Variants in FBXW7 observed in about 807,000 individuals in gnomAD.
FBXW7 encodes the protein F-box and WD repeat domain containing 7.
FBXW7 carries 11 observed loss-of-function variants against 86.3 expected under a neutral mutation model. The ratio of observed to expected loss-of-function variants is 0.13; its 90% CI spans 0.08 to 0.21. The LOEUF (loss-of-function observed/expected upper bound fraction) is 0.21, where lower values mean the gene tolerates loss of function less well. Ranked by LOEUF, FBXW7 falls within the 10% of genes least tolerant of loss-of-function variation. FBXW7 has a pLI of 1.00. For missense variants in FBXW7, 488 were observed against 847.4 expected (o/e 0.58, Z 5.27); for synonymous variants, 313 against 297.9 (o/e 1.05, Z -0.52).
rs1360600517 is a variant in FBXW7, at chr4:152,536,010, G to GGCGGCA, written c.-1102_-1097dup. 6.4e-3 allele frequency: 1,438 copies of GGCGGCA among 225,560 alleles called. 16 individuals carry two copies. The highest frequency in any genetic ancestry group is 0.015 in the Middle Eastern group (10 of 688). The allele number at this position is 225,560 out of a possible 1,614,324, so 14.0% of individuals were successfully genotyped here. ...CGCTCTCAGTCTCAGCGGCGGCGGCGGCGGCAGCGGCAGCGGCAGCGCCCG... is the reference window on the plus strand; with the variant it reads ...CGCTCTCAGTCTCAGCGGCGGCGGCGGCGGCAGCGGCAGCGGCAGCGGCAGCGCCCG... On this transcript the variant is annotated 5_prime_UTR_variant, in exon 1 of 14. Coordinates refer to ENST00000281708, the MANE Select transcript of FBXW7 (RefSeq NM_001349798.2).
intron 2 of FBXW7, among the ~76,000 whole-genome samples, chr4:152,440,590 ACTT>A (rs1740801581): frequency 1.3e-5 from 2 of 152,180 alleles, no homozygotes; most frequent in South Asian, 2.1e-4. Flanking sequence ...CATTTTTAAA[ACTT>A]CTTATGATTT....
intron 5 of FBXW7, among the ~76,000 whole-genome samples, chr4:152,349,577 A>G (rs1323311910): frequency 6.6e-6 from 1 of 151,960 alleles, no homozygotes; most frequent in Non-Finnish European, 1.5e-5. Context: ...TAAAAACTTA[A>G]GACCTACCAA....
chr4:152,347,625 C>G (rs1448923354), intron 5 of FBXW7, among the ~76,000 whole-genome samples: 5 of 152,002 alleles, frequency 3.3e-5, no homozygotes, highest in Admixed American at 3.3e-4. Flanking sequence ...AAAGTTTGGT[C>G]TGAATAGTTG....
intron 4 of FBXW7, among the ~76,000 whole-genome samples, chr4:152,370,485 A>G (rs2126733917): frequency 6.6e-6 from 1 of 152,086 alleles, no homozygotes; most frequent in Admixed American, 6.6e-5. Context: ...AGTTCAAATT[A>G]AAAGTCTTGA....
chr4:152,460,943 T>G (rs78745268), intron 2 of FBXW7, among the ~76,000 whole-genome samples: 2,084 of 152,314 alleles, frequency 0.014, 26 homozygotes, highest in Middle Eastern at 0.037. Flanking sequence ...ATAGATGACT[T>G]TTATTAATCT....
At position 152,535,419 on chromosome 4, in the gene FBXW7, G is replaced by A. The variant is rs990435148; in HGVS notation, c.-505C>T. 8.2e-5 allele frequency: 32 copies of A among 388,600 alleles called. No homozygotes were observed. In the East Asian group the frequency reaches 1.2e-3, roughly 14 times the overall value. The allele number at this position is 388,600 out of a possible 1,614,324, so 24.1% of individuals were successfully genotyped here. A position where few individuals can be genotyped will look rare whatever the true frequency, so the allele number is the denominator to read the frequency against. On this transcript the variant is annotated 5_prime_UTR_variant, in exon 1 of 14. Transcript: ENST00000281708. ...GGGGCTGAGGGGAGGGGGAAGGTGA[G>A]GAAAGGACGGCGGCGTCGGTCCTGT...
intron 2 of FBXW7, among the ~76,000 whole-genome samples, chr4:152,415,897 C>T (rs1403395680): frequency 6.6e-6 from 1 of 152,136 alleles, no homozygotes; most frequent in Non-Finnish European, 1.5e-5. Flanking sequence ...TTCAATGATA[C>T]TTTCCCTAAC....
chr4:152,373,830 G>A (rs1734226936), intron 4 of FBXW7, among the ~76,000 whole-genome samples: 1 of 151,964 alleles, frequency 6.6e-6, no homozygotes, highest in South Asian at 2.1e-4. Flanking sequence ...GGGCATGGGG[G>A]ATCATCATCT....
In FBXW7 at chr4:152,402,912, TATGAAGATACTTCAC is replaced by T. The variant is rs144719103; in HGVS notation, c.501+8376_501+8390del. 7.4e-3 allele frequency among the ~76,000 whole-genome samples: 1,127 copies of T among 152,282 alleles called. 9 individuals carry two copies. The highest frequency in any genetic ancestry group is 0.012 in the Non-Finnish European group (850 of 68,022). ...CCCTAACATAAATAACGTCTAAAAC[TATGAAGATACTTCAC>T]ATTGCAGTATTCCTTTGTAATGACC... On this transcript the variant is annotated intron_variant, in intron 4 of 13. Coordinates refer to ENST00000281708, the MANE Select transcript of FBXW7 (RefSeq NM_001349798.2).
intron 12 of FBXW7, 82 bp from the exon 13 acceptor site, chr4:152,324,476 G>A: frequency 8.8e-7 from 1 of 1,132,616 alleles, no homozygotes; most frequent in Non-Finnish European, 1.3e-6. Context: ...TAGGAAAGGG[G>A]GAAGAGGATG....
intron 4 of FBXW7, among the ~76,000 whole-genome samples, chr4:152,387,708 CTT>C (rs34073737): frequency 1.8e-5 from 2 of 112,786 alleles, no homozygotes; most frequent in African/African-American, 3.6e-5. Context: ...CATGGCATAC[CTT>C]TTTTTTTTTT....
chr4:152,434,966 C>G (rs549918043), intron 2 of FBXW7, among the ~76,000 whole-genome samples: 1,658 of 151,066 alleles, frequency 0.011, 35 homozygotes, highest in African/African-American at 0.038. Context: ...GCTCCCCCCC[C>G]CCCACACACA....
chr4:152,436,030 C>T (rs1740350490), intron 2 of FBXW7, among the ~76,000 whole-genome samples: 1 of 152,168 alleles, frequency 6.6e-6, no homozygotes, highest in African/African-American at 2.4e-5. Flanking sequence ...CTTTGTCCCT[C>T]TCCTTAGGCC....
rs1729364623 is a variant in FBXW7, at chr4:152,329,547, T to A, written c.1236+125A>T. ...TGGGGAAAAAAGCTAAGTTATGAGC[T>A]CTGATATTTGCTATCCAAATAACTA... On this transcript the variant is annotated intron_variant, in intron 10 of 13. Coordinates refer to ENST00000281708, the MANE Select transcript of FBXW7 (RefSeq NM_001349798.2). The A allele has an allele frequency of 6.1e-6, 3 of 489,182 alleles. No homozygotes were observed. The South Asian group carries it at 1.2e-4, about 20-fold the overall frequency. The allele number at this position is 489,182 out of a possible 1,614,324, so 30.3% of individuals were successfully genotyped here.
chr4:152,527,287 G>A lies in FBXW7; in HGVS notation c.-120+7654C>T, dbSNP rs375067170. 4.7e-4 allele frequency among the ~76,000 whole-genome samples: 72 copies of A among 152,262 alleles called. No individual in the cohort carries two copies. In the South Asian group the frequency reaches 9.1e-3, roughly 19 times the overall value. The stretch of plus-strand genomic sequence containing the variant: ...GCATATTATGAATGTATTTTATTAC[G>A]TAAATGAGAAGTAAACTAGCTGCCT... On this transcript the variant is annotated intron_variant, in intron 2 of 13. Transcript: ENST00000281708.
chr4:152,529,218 A>G (rs1749795631), intron 2 of FBXW7, among the ~76,000 whole-genome samples: 1 of 152,336 alleles, frequency 6.6e-6, no homozygotes, highest in South Asian at 2.1e-4. Flanking sequence ...GACAATGATA[A>G]AATTACTTGA....
intron 2 of FBXW7, among the ~76,000 whole-genome samples, chr4:152,479,912 A>T (rs1447859338): frequency 1.3e-5 from 2 of 152,158 alleles, no homozygotes; most frequent in Non-Finnish European, 2.9e-5. Flanking sequence ...CTGTTGGCAC[A>T]GATTGTTTCT....
chr4:152,442,480 T>C (rs552561372), intron 2 of FBXW7, among the ~76,000 whole-genome samples: 8 of 152,370 alleles, frequency 5.3e-5, no homozygotes, highest in African/African-American at 1.7e-4. Flanking sequence ...CTGAAATACC[T>C]TGTAACTATT....
At chr4:152,513,752 T>C (rs1203897965) in intron 2 of FBXW7, among the ~76,000 whole-genome samples, 1 of 152,188 alleles carries the variant, frequency 6.6e-6, no homozygotes, top group East Asian at 1.9e-4. Flanking sequence ...ATAAAAAACT[T>C]TACATCTCAA....
Sources: gnomAD v4.1 joint callset for allele counts (sites outside exome capture counted in the v4.1 genomes callset) on GRCh38, gnomAD v4.1.1 for gene constraint, MANE v1.5 for transcripts, NCBI Gene and HGNC (gene_info 2026-07-23, HGNC 2026-07-21) for gene names.